Variants in MIPEP observed in about 807,000 individuals in gnomAD.
MIPEP encodes mitochondrial intermediate peptidase.
A neutral mutation model predicts 90.3 loss-of-function variants in MIPEP; 79 were observed. The ratio of observed to expected loss-of-function variants is 0.87; its 90% CI spans 0.73 to 1.05. The LOEUF (loss-of-function observed/expected upper bound fraction) is 1.05. Among genes scored for constraint, MIPEP ranks in the 50% least tolerant of loss-of-function variants. The pLI, the probability that MIPEP is intolerant of heterozygous loss-of-function variation, is 0.00. For missense variants in MIPEP, 940 were observed against 905.6 expected (o/e 1.04, Z -0.49); for synonymous variants, 334 against 315.8 (o/e 1.06, Z -0.61).
At chr13:23,820,441 C>G (rs1953293445) in intron 14 of MIPEP, among the ~76,000 whole-genome samples, 1 of 152,234 alleles carries the variant, frequency 6.6e-6, no homozygotes, top group South Asian at 2.1e-4. Context: ...CCACCCCATA[C>G]ATCTTTTATA....
At chr13:23,789,539 T>C (rs1028403293) in intron 16 of MIPEP, among the ~76,000 whole-genome samples, 2 of 152,200 alleles carry the variant, frequency 1.3e-5, no homozygotes, top group African/African-American at 2.4e-5. Context: ...TCTGGCCCCA[T>C]AGCATTACTC....
chr13:23,851,146 G>C (rs1194351827), intron 10 of MIPEP, among the ~76,000 whole-genome samples: 1 of 152,220 alleles, frequency 6.6e-6, no homozygotes, highest in African/African-American at 2.4e-5. Flanking sequence ...GACTGGCCCA[G>C]AACTGGAGAA....
At chr13:23,882,126 T>G (rs149118809) in intron 2 of MIPEP, among the ~76,000 whole-genome samples, 1 of 150,682 alleles carries the variant, frequency 6.6e-6, no homozygotes, top group African/African-American at 2.4e-5. Flanking sequence ...CTGGAGTGCA[T>G]TGGCGCAATC....
chr13:23,848,193 C>T (rs1480613671), intron 10 of MIPEP, among the ~76,000 whole-genome samples: 1 of 152,156 alleles, frequency 6.6e-6, no homozygotes, highest in Non-Finnish European at 1.5e-5. Context: ...ATGCAATGAA[C>T]CTGGCATGGT....
At chr13:23,854,474 A>G (rs990996860) in intron 10 of MIPEP, among the ~76,000 whole-genome samples, 16 of 152,130 alleles carry the variant, frequency 1.1e-4, no homozygotes, top group Non-Finnish European at 2.4e-4. Flanking sequence ...CATTTTTTGA[A>G]TAGTTTAAAA....
chr13:23,776,843 G>A (rs1350422469), intron 16 of MIPEP, among the ~76,000 whole-genome samples: 3 of 151,422 alleles, frequency 2.0e-5, no homozygotes, highest in African/African-American at 7.3e-5. Flanking sequence ...AAGAAAATGG[G>A]ACAGAAAATA....
chr13:23,872,286 A>AC (rs1239000354), intron 5 of MIPEP, among the ~76,000 whole-genome samples: 2 of 152,096 alleles, frequency 1.3e-5, no homozygotes, highest in Non-Finnish European at 2.9e-5. Context: ...ACATGGAGAA[A>AC]CCCCGTCTCT....
chr13:23,735,476 G>GT (rs1354187577), intron 18 of MIPEP, among the ~76,000 whole-genome samples: 1 of 152,148 alleles, frequency 6.6e-6, no homozygotes, highest in Non-Finnish European at 1.5e-5. Context: ...AGCTATTCAG[G>GT]TAAGTATGGC....
intron 16 of MIPEP, among the ~76,000 whole-genome samples, chr13:23,777,809 T>C (rs1952735038): frequency 1.3e-5 from 2 of 152,192 alleles, no homozygotes; most frequent in African/African-American, 4.8e-5. Flanking sequence ...TTGCCTTCAG[T>C]ACTGTGCTTC....
intron 16 of MIPEP, among the ~76,000 whole-genome samples, chr13:23,774,409 G>T (rs1017787625): frequency 6.6e-6 from 1 of 152,108 alleles, no homozygotes; most frequent in Non-Finnish European, 1.5e-5. Context: ...ATTTCCGTGA[G>T]AAATTTTATT....
intron 4 of MIPEP, among the ~76,000 whole-genome samples, chr13:23,875,730 T>C (rs547601431): frequency 2.0e-5 from 3 of 152,304 alleles, no homozygotes; most frequent in East Asian, 3.9e-4. Flanking sequence ...AGGTCTATTA[T>C]GTAACAAAAC....
At chr13:23,780,422 A>G (rs1222690076) in intron 16 of MIPEP, among the ~76,000 whole-genome samples, 5 of 152,258 alleles carry the variant, frequency 3.3e-5, no homozygotes, top group Non-Finnish European at 7.3e-5. Context: ...ACTAACAAAC[A>G]GAAAGGACAT....
intron 10 of MIPEP, among the ~76,000 whole-genome samples, chr13:23,850,973 G>A (rs749461135): frequency 1.2e-4 from 18 of 152,206 alleles, no homozygotes; most frequent in Non-Finnish European, 2.5e-4. Context: ...GCAGCAAAAG[G>A]GAAATAGGCA....
chr13:23,837,862 C>T (rs1869126627), intron 12 of MIPEP, 106 bp from the exon 13 acceptor site: 5 of 742,532 alleles, frequency 6.7e-6, no homozygotes, highest in Non-Finnish European at 1.1e-5. Context: ...TGAGTGCAAA[C>T]TTTAACTTAA....
At chr13:23,817,105 AGCACT>A (rs1953249458) in intron 14 of MIPEP, among the ~76,000 whole-genome samples, 1 of 152,206 alleles carries the variant, frequency 6.6e-6, no homozygotes, top group African/African-American at 2.4e-5. Context: ...GTTGGTTGCC[AGCACT>A]GCTCTTTCGA....
At chr13:23,832,780 G>A (rs1868834419) in intron 14 of MIPEP, among the ~76,000 whole-genome samples, 1 of 147,440 alleles carries the variant, frequency 6.8e-6, no homozygotes. Context: ...CTGCAGCCAA[G>A]TTTGTACTCC....
intron 16 of MIPEP, among the ~76,000 whole-genome samples, chr13:23,795,296 C>T (rs529878993): frequency 9.9e-5 from 15 of 152,134 alleles, no homozygotes; most frequent in South Asian, 6.2e-4. Flanking sequence ...ATATTTAACC[C>T]GCCTGGGGCT....
intron 5 of MIPEP, among the ~76,000 whole-genome samples, chr13:23,870,547 G>C (rs1007286894): frequency 3.9e-5 from 6 of 152,156 alleles, no homozygotes; most frequent in Admixed American, 3.9e-4. Flanking sequence ...ACTCACGCCT[G>C]TAATCCCAGC....
intron 16 of MIPEP, among the ~76,000 whole-genome samples, chr13:23,779,440 A>G (rs1424085589): frequency 6.6e-6 from 1 of 152,204 alleles, no homozygotes; most frequent in African/African-American, 2.4e-5. Flanking sequence ...ACAAAAAACC[A>G]TAAAACAAAT....
Sources: allele counts gnomAD v4.1 joint callset (sites outside exome capture counted in the v4.1 genomes callset), GRCh38; gene constraint gnomAD v4.1.1; transcripts MANE v1.5; gene names NCBI Gene and HGNC (gene_info 2026-07-23, HGNC 2026-07-21).